The following PRAMEF11 variants were observed in gnomAD, a reference collection of about 807,000 sequenced individuals.
PRAMEF11 encodes PRAME family member 11.
PRAMEF11 carries 17 observed loss-of-function variants against 33.6 expected under a neutral mutation model. The ratio of observed to expected loss-of-function variants is 0.51; its 90% CI spans 0.35 to 0.76. The LOEUF is 0.76. Among genes scored for constraint, PRAMEF11 ranks in the 30% least tolerant of loss-of-function variants. PRAMEF11 has a pLI of 0.01. For synonymous variants in PRAMEF11, 205 were observed against 227.3 expected, an observed-to-expected ratio of 0.90 and a Z score of 0.88; for missense variants, 568 against 567.0, an observed-to-expected ratio of 1.00 and a Z score of -0.02.
chr1:12,826,395 C>T (rs1436820077), intron 3 of PRAMEF11, among the ~76,000 whole-genome samples: 1 of 148,076 alleles, frequency 6.8e-6, no homozygotes, highest in African/African-American at 2.4e-5. Context: ...GATTTTCTGA[C>T]ATGTGCAGGT....
At chr1:12,826,064 A>AG (rs1199409618) in intron 3 of PRAMEF11, among the ~76,000 whole-genome samples, 1 of 150,442 alleles carries the variant, frequency 6.6e-6, no homozygotes, top group Non-Finnish European at 1.5e-5. Flanking sequence ...GAATCCCTAA[A>AG]GCTCCCTTTC....
At chr1:12,828,351 T>C (rs1639922739) in intron 2 of PRAMEF11, 146 bp downstream of exon 2, 2 of 1,408,874 alleles carry the variant, frequency 1.4e-6, no homozygotes, top group African/African-American at 1.5e-5. Flanking sequence ...TGAGCAGTGC[T>C]TTCCCTGAGG....
intron 1 of PRAMEF11, among the ~76,000 whole-genome samples, chr1:12,829,144 T>A (rs4846157): frequency 0.38 from 57,750 of 150,180 alleles, 11,989 homozygotes; most frequent in African/African-American, 0.49. Context: ...ACAATGGGAA[T>A]GGGAGTGTCA....
chr1:12,825,471 A>G lies in PRAMEF11; in HGVS notation c.908T>C (p.Ile303Thr). 8.8e-7 allele frequency: 1 copy of G among 1,132,810 alleles called. No homozygotes were observed. The highest frequency in any genetic ancestry group is 1.2e-6 in the Non-Finnish European group (1 of 806,390). The allele number at this position is 1,132,810 out of a possible 1,614,324, so 70.2% of individuals were successfully genotyped here. ...TGATTCCAAAAGCACACAGTTAGTT[A>G]TTGTGAGGACCTTTAACGAGGTCTT... Reference protein sequence around the residue: ...CLKTSLKVLTITNCVLLESDL... With the variant: ...CLKTSLKVLTTTNCVLLESDL... The change falls in exon 4 of 4, where the codon ATA becomes ACA. Residue 303 changes from isoleucine to threonine, a missense_variant. By Grantham distance (89) the Ile-to-Thr change is moderately conservative. Around this residue, in one of 3 missense-constraint regions of PRAMEF11, gnomAD observed 52 missense variants for 127.8 expected, o/e 0.41. Transcript: ENST00000619922.
At position 12,827,269 on chromosome 1, in the gene PRAMEF11, G is replaced by A; in HGVS notation, c.855C>T (p.Gly285=). Residue 285 remains glycine (G), a synonymous_variant, in exon 3 of 4, where the codon GGC becomes GGT. Transcript: ENST00000619922. ...LYMNSVSFLE[G]HLDQLLSCLK... Reference sequence around the variant, plus strand: ...CTCACCTGAGCAGCTGGTCCAGGTGGCCTTCGAGGAAAGAAACAGAGTTCA... The same window carrying A: ...CTCACCTGAGCAGCTGGTCCAGGTGACCTTCGAGGAAAGAAACAGAGTTCA... 6.3e-7 allele frequency: 1 copy of A among 1,597,598 alleles called. No homozygotes were observed. The highest frequency in any genetic ancestry group is 8.5e-7 in the Non-Finnish European group (1 of 1,177,638).
chr1:12,825,173 G>T lies in PRAMEF11; in HGVS notation c.1206C>A (p.Ser402Arg). The T allele has an allele frequency of 6.2e-7, 1 of 1,608,632 alleles. No homozygotes were observed. Among genetic ancestry groups the T allele is most frequent in the Non-Finnish European group, 8.5e-7 (1 of 1,177,720 alleles). The change falls in exon 4 of 4, where the codon AGC (serine) becomes AGA (arginine). Residue 402 changes from serine to arginine, a missense_variant. Physicochemically the swap from Ser to Arg is moderately radical, Grantham distance 110. This residue lies in a region of PRAMEF11 where 174 missense variants were observed against 127.2 expected (regional missense o/e 1.37). Coordinates refer to ENST00000619922, the MANE Select transcript of PRAMEF11 (RefSeq NM_001146344.3). ...ICMATLENLL[S>R]HTIILKNLCL... ...ATAAGTTTTTGAGTATGATTGTGTG[G>T]CTCAGCAGGTTCTCCAGGGTGGCCA...
In PRAMEF11 at chr1:12,828,911, C is replaced by T. The variant is rs563892625; in HGVS notation, c.-16-106G>A. On this transcript the variant is annotated intron_variant, in intron 1 of 3. Coordinates refer to ENST00000619922, the MANE Select transcript of PRAMEF11 (RefSeq NM_001146344.3). ...CACTGCTCTGGCAATGGTGAAACAG[C>T]CCTCAGTTTACTCCAATTCTACTCT... is the stretch of plus-strand genomic sequence containing the variant. 1.0e-4 allele frequency: 155 copies of T among 1,507,700 alleles called. 3 individuals are homozygous for T. Among genetic ancestry groups the T allele is most frequent in the African/African-American group, 2.9e-4 (21 of 72,578 alleles). 93.4% of individuals were successfully genotyped at this position (1,507,700 alleles called of 1,614,324 possible). A position where few individuals can be genotyped will look rare whatever the true frequency, so the allele number is the denominator to read the frequency against.
At chr1:12,828,923 T>A (rs1639946285) in intron 1 of PRAMEF11, 118 bp from the exon 2 acceptor site, 16 of 1,436,496 alleles carry the variant, frequency 1.1e-5, no homozygotes, top group Non-Finnish European at 1.4e-5. Flanking sequence ...CTCAGTTTAC[T>A]CCAATTCTAC....
Position 12,829,737 on chromosome 1 carries a change from G to C in PRAMEF11, c.-16-932C>G, listed in dbSNP as rs939997606. 1.2e-4 allele frequency among the ~76,000 whole-genome samples: 18 copies of C among 150,890 alleles called. 1 individual carries two copies. In the Admixed American group the frequency reaches 1.2e-3, roughly 10 times the overall value. ...TTATTGAAAATTTCAGTGAGATGCA[G>C]TGGTCTCCGCCTGTAGTCCAAGCTA... On this transcript the variant is annotated intron_variant, in intron 1 of 3. Transcript: ENST00000619922.
intron 3 of PRAMEF11, among the ~76,000 whole-genome samples, 158 bp downstream of exon 3, chr1:12,827,091 C>G (rs1639884841): frequency 6.6e-6 from 1 of 151,398 alleles, no homozygotes; most frequent in African/African-American, 2.4e-5. Context: ...GCATGATACC[C>G]ATTTCAGGAC....
rs551168943 is a variant in PRAMEF11 at position 12,828,920 on chromosome 1, T to A, written c.-16-115A>T. ...GGCAATGGTGAAACAGCCCTCAGTT[T>A]ACTCCAATTCTACTCTGTACTCAGT... is the stretch of plus-strand genomic sequence containing the variant. On this transcript the variant is annotated intron_variant, in intron 1 of 3. Coordinates refer to ENST00000619922, the MANE Select transcript of PRAMEF11 (RefSeq NM_001146344.3). 126 of 1,457,012 alleles carry A rather than the reference T, an allele frequency of 8.6e-5. 1 individual carries two copies. The African/African-American group carries it at 1.6e-3, about 19-fold the overall frequency. 90.3% of individuals were successfully genotyped at this position (1,457,012 alleles called of 1,614,324 possible).
Position 12,825,366 on chromosome 1 carries a change from T to C in PRAMEF11, c.1013A>G (p.Tyr338Cys). The C allele has an allele frequency of 6.5e-7, 1 of 1,535,960 alleles. No individual in the cohort carries two copies. Among genetic ancestry groups the C allele is most frequent in the Non-Finnish European group, 8.9e-7 (1 of 1,126,164 alleles). ...LDLSGIRLTN[Y>C]SLVPLQILLE... ...GAGAATTTGGAGAGGCACAAGACTG[T>C]AATTGGTCAGTCTGATGCCACTCAG... The change falls in exon 4 of 4, where the codon TAC (tyrosine) becomes TGC (cysteine). Residue 338 changes from tyrosine (Y) to cysteine (C), a missense_variant. Tyr to Cys is a radical substitution (Grantham distance 194, BLOSUM62 -2). Around this residue, in one of 3 missense-constraint regions of PRAMEF11, gnomAD observed 52 missense variants for 127.8 expected, o/e 0.41. Transcript: ENST00000619922.
In PRAMEF11 at chr1:12,825,121, C is replaced by T; in HGVS notation, c.1258G>A (p.Glu420Lys). Residue 420 changes from glutamate (E) to lysine (K), a missense_variant, in exon 4 of 4, where the codon GAA becomes AAA. Glu to Lys is a moderately conservative substitution (Grantham distance 56). Transcript: ENST00000619922. The stretch of plus-strand genomic sequence containing the variant: ...AGAGTACCATCAGCACCATAACTTT[C>T]CTGCGGGGCAGGATACAGCTCCAGG... ...LCLELYPAPQ[E>K]SYGADGTLCW... 1.2e-6 allele frequency: 2 copies of T among 1,609,586 alleles called. No homozygotes were observed. The highest frequency in any genetic ancestry group is 1.7e-6 in the Non-Finnish European group (2 of 1,177,748).
intron 1 of PRAMEF11, among the ~76,000 whole-genome samples, chr1:12,830,327 G>A (rs570811837): frequency 0.013 from 1,948 of 151,106 alleles, 83 homozygotes; most frequent in African/African-American, 0.045. Context: ...TCACTTCATC[G>A]GCCAGGCTAG....
rs758927125 is a variant in PRAMEF11 at position 12,827,688 on chromosome 1, G to T, written c.436C>A (p.Arg146=). The change falls in exon 3 of 4, where the codon CGG becomes AGG. Residue 146 remains arginine (R), a synonymous_variant. Coordinates refer to ENST00000619922, the MANE Select transcript of PRAMEF11 (RefSeq NM_001146344.3). The part of the protein sequence containing the change: ...PVQDCPRMRG[R]QPLTVFVELW... Reference sequence around the variant, plus strand: ...TCTACAAACACAGTCAAGGGCTGCCGTCCTCTCATCCTTGGACAGTCCTGC... The same window carrying T: ...TCTACAAACACAGTCAAGGGCTGCCTTCCTCTCATCCTTGGACAGTCCTGC... 2 of 1,609,872 alleles carry T rather than the reference G, an allele frequency of 1.2e-6. No individual in the cohort carries two copies. Among genetic ancestry groups the T allele is most frequent in the South Asian group, 1.1e-5 (1 of 90,506 alleles).
chr1:12,828,828 A>G lies in PRAMEF11; in HGVS notation c.-16-23T>C, dbSNP rs541459979. 20 of 1,607,360 alleles carry G rather than the reference A, an allele frequency of 1.2e-5. 2 individuals are homozygous for G. In the East Asian group the frequency reaches 3.8e-4, roughly 31 times the overall value. ...AAACTTCCAGAGGACAAACCCAGAG[A>G]AAAGGCATCACTCTCAGGCCAAGCC... is the stretch of plus-strand genomic sequence containing the variant. On this transcript the variant is annotated intron_variant, in intron 1 of 3. Coordinates refer to ENST00000619922, the MANE Select transcript of PRAMEF11 (RefSeq NM_001146344.3).
chr1:12,828,296 G>A (rs1172959996), intron 2 of PRAMEF11, among the ~76,000 whole-genome samples: 1 of 148,502 alleles, frequency 6.7e-6, no homozygotes, highest in African/African-American at 2.5e-5. Context: ...GCCTTTCAGT[G>A]CCATTAGAGG....
chr1:12,828,642 G>C lies in PRAMEF11; in HGVS notation c.148C>G (p.Arg50Gly), dbSNP rs770702081. The change falls in exon 2 of 4, where the codon CGC becomes GGC. Residue 50 changes from arginine to glycine, a missense_variant. By Grantham distance (125) the Arg-to-Gly change is moderately radical. Transcript: ENST00000619922. ...ACCATCAGCTTCAGGGCCTCACAGCGTCTCCTGCTGAAGGCCTCCATGAAC... is the reference window on the plus strand; with the variant it reads ...ACCATCAGCTTCAGGGCCTCACAGCCTCTCCTGCTGAAGGCCTCCATGAAC... ...PLFMEAFSRR[R>G]CEALKLMVQA... 3 of 1,610,180 alleles carry C rather than the reference G, an allele frequency of 1.9e-6. No individual in the cohort carries two copies. The highest frequency in any genetic ancestry group is 2.5e-6 in the Non-Finnish European group (3 of 1,178,058).
rs753144088 is a variant in PRAMEF11 at position 12,825,391 on chromosome 1, G to A, written c.988C>T (p.Leu330=). 5.7e-5 allele frequency: 79 copies of A among 1,392,526 alleles called. 4 individuals carry two copies. The highest frequency in any genetic ancestry group is 6.7e-5 in the Non-Finnish European group (68 of 1,010,328). The allele number at this position is 1,392,526 out of a possible 1,614,324, so 86.3% of individuals were successfully genotyped here. The change falls in exon 4 of 4, where the codon CTG becomes TTG. Residue 330 remains leucine, a synonymous_variant. Transcript: ENST00000619922. ...TAATTGGTCAGTCTGATGCCACTCA[G>A]GTCCAGGGTCTTTAGTTGACTGATA... The part of the protein sequence containing the change: ...PSISQLKTLD[L]SGIRLTNYSL...
Sources: allele counts gnomAD v4.1 joint callset (sites outside exome capture counted in the v4.1 genomes callset), GRCh38; gene constraint gnomAD v4.1.1; regional missense constraint gnomAD v4.1.1; transcripts MANE v1.5; gene names NCBI Gene and HGNC (gene_info 2026-07-23, HGNC 2026-07-21).